The following ZNF345 variants were observed in gnomAD, a reference collection of about 807,000 sequenced individuals.
ZNF345 encodes zinc finger protein HZF10.
For synonymous variants in ZNF345, 166 were observed against 187.9 expected, an observed-to-expected ratio of 0.88 and a Z score of 0.95; for missense variants, 527 against 589.9, an observed-to-expected ratio of 0.89 and a Z score of 1.10.
intron 2 of ZNF345, among the ~76,000 whole-genome samples, chr19:36,860,356 C>CT (rs1376500475): frequency 6.6e-6 from 1 of 152,190 alleles, no homozygotes; most frequent in Non-Finnish European, 1.5e-5. Context: ...ATATGATACT[C>CT]TAATCCATAT....
At chr19:36,890,917 A>T (rs1433095368) in intron 3 of ZNF345, 1 of 152,222 alleles carries the variant, frequency 6.6e-6, no homozygotes, top group African/African-American at 2.4e-5. Flanking sequence ...AATTACAAAT[A>T]TATTAGACAA....
intron 2 of ZNF345, among the ~76,000 whole-genome samples, chr19:36,855,188 G>C (rs1195869595): frequency 6.9e-6 from 1 of 145,262 alleles, no homozygotes; most frequent in Non-Finnish European, 1.5e-5. Context: ...AGTCACCCAG[G>C]TTGGAGTGCA....
chr19:36,859,802 A>G (rs899221649), intron 2 of ZNF345, among the ~76,000 whole-genome samples: 14 of 152,066 alleles, frequency 9.2e-5, no homozygotes, highest in Non-Finnish European at 1.6e-4. Flanking sequence ...CAGATTCACC[A>G]GTTGTTACCT....
chr19:36,892,827 A>C (rs1473386537), exon 4 of ZNF345: 3 of 898,946 alleles, frequency 3.3e-6, no homozygotes, highest in East Asian at 3.3e-5. Flanking sequence ...GATCCCCCAC[A>C]GGCGCTGCCT....
intron 2 of ZNF345, among the ~76,000 whole-genome samples, chr19:36,866,757 G>C (rs1192765634): frequency 6.6e-6 from 1 of 152,012 alleles, no homozygotes; most frequent in Non-Finnish European, 1.5e-5. Flanking sequence ...CACTGTGTTG[G>C]CCAGGCTGGT....
chr19:36,867,577 G>T (rs1168153515), intron 2 of ZNF345, among the ~76,000 whole-genome samples: 2 of 152,098 alleles, frequency 1.3e-5, no homozygotes, highest in African/African-American at 4.8e-5. Context: ...TTAAATTTAA[G>T]AATTAATTGC....
chr19:36,891,635 CACATTCATT>C (rs750851502), intron 3 of ZNF345: 2 of 1,613,488 alleles, frequency 1.2e-6, no homozygotes, highest in East Asian at 4.5e-5. Flanking sequence ...AAGGCCTTCC[CACATTCATT>C]ACATTCATAT....
At chr19:36,865,151 G>A (rs2072632505) in intron 2 of ZNF345, among the ~76,000 whole-genome samples, 1 of 152,262 alleles carries the variant, frequency 6.6e-6, no homozygotes, top group Middle Eastern at 3.4e-3. Context: ...CCTGGATTCT[G>A]GAGCCGCCTG....
intron 2 of ZNF345, among the ~76,000 whole-genome samples, chr19:36,862,324 G>T (rs913006153): frequency 6.6e-6 from 1 of 151,852 alleles, no homozygotes; most frequent in Non-Finnish European, 1.5e-5. Flanking sequence ...CTCTGTTCTT[G>T]GTGACTTGAT....
intron 3 of ZNF345, chr19:36,891,370 C>T (rs894622853): frequency 1.0e-5 from 10 of 991,152 alleles, no homozygotes; most frequent in African/African-American, 3.3e-5. Context: ...ACTTTGTTAT[C>T]GTATCGTTTA....
chr19:36,886,716 G>A (rs908544656), intron 3 of ZNF345, among the ~76,000 whole-genome samples: 29 of 152,010 alleles, frequency 1.9e-4, no homozygotes, highest in East Asian at 1.4e-3. Flanking sequence ...GGCCGGGCGC[G>A]GTGGCTCACG....
intron 2 of ZNF345, among the ~76,000 whole-genome samples, chr19:36,861,789 TG>T (rs1391014410): frequency 2.0e-5 from 3 of 151,856 alleles, no homozygotes. Flanking sequence ...CTTGATCTCT[TG>T]AGCTTGCAAT....
downstream of ZNF345, among the ~76,000 whole-genome samples, chr19:36,881,299 A>T (rs187550494): frequency 4.8e-4 from 73 of 152,310 alleles, no homozygotes; most frequent in African/African-American, 1.7e-3. Context: ...ATATTCCAAA[A>T]TCCAAAACAC....
At chr19:36,869,575 G>C (rs1040118258) in intron 2 of ZNF345, among the ~76,000 whole-genome samples, 1 of 152,082 alleles carries the variant, frequency 6.6e-6, no homozygotes, top group African/African-American at 2.4e-5. Flanking sequence ...AGCTACTCGG[G>C]TCCACCATGA....
rs192798904 is a variant in ZNF345 at position 36,891,494 on chromosome 19, A to T, written c.47-1324A>T. The T allele has an allele frequency of 7.1e-5, 110 of 1,543,644 alleles. 1 individual carries two copies. The African/African-American group carries it at 1.3e-3, about 18-fold the overall frequency. ...AAATGGTCTTACTTTACTGTCATTC[A>T]ACCAGTATGAATTCCCTCATGGCGA... On this transcript the variant is annotated intron_variant, in intron 3 of 3. Transcript: ENST00000526123.
rs199605168 is a variant in ZNF345 at position 36,878,138 on chromosome 19, T to G, written c.1308T>G (p.Tyr436Ter). Residue 436 changes from tyrosine (Y) to a stop codon, truncating the protein, a stop_gained, in exon 3 of 3, where the codon TAT becomes TAG. Coordinates refer to ENST00000420450, the MANE Select transcript of ZNF345 (RefSeq NM_001242472.2). LOFTEE classifies it low-confidence loss of function (END_TRUNC). The part of the protein sequence containing the change: ...YECKECGKAF[Y>*]SGSSLTQHQR... ...GTAAGGAGTGTGGGAAGGCTTTTTA[T>G]AGTGGCTCAAGCCTTACTCAGCATC... 2 of 1,614,136 alleles carry G rather than the reference T, an allele frequency of 1.2e-6. No individual in the cohort carries two copies. Among genetic ancestry groups the G allele is most frequent in the Admixed American group, 3.3e-5 (2 of 60,002 alleles).
chr19:36,873,757 T>G (rs1261366446), intron 2 of ZNF345, among the ~76,000 whole-genome samples: 2 of 152,072 alleles, frequency 1.3e-5, no homozygotes, highest in Non-Finnish European at 2.9e-5. Context: ...CTCCCTTATT[T>G]CACGTAGCAT....
rs1298239010 is a variant in ZNF345 at position 36,877,989 on chromosome 19, C to T, written c.1159C>T (p.Gln387Ter). 2.5e-6 allele frequency: 4 copies of T among 1,613,852 alleles called. No homozygotes were observed. The highest frequency in any genetic ancestry group is 3.4e-6 in the Non-Finnish European group (4 of 1,179,910). Residue 387 changes from glutamine (Q) to a stop codon, truncating the protein, a stop_gained, in exon 3 of 3, where the codon CAA (glutamine) becomes TAA (stop). Coordinates refer to ENST00000420450, the MANE Select transcript of ZNF345 (RefSeq NM_001242472.2). LOFTEE classifies it low-confidence loss of function (END_TRUNC). ...CTTTGGTAGTGGCTCAAAACTTATC[C>T]AACACCAGCTAATCCATACTGGTGA... ...KAFGSGSKLIQHQLIHTGERP... is the reference protein window; with the variant it reads ...KAFGSGSKLI
chr19:36,882,483 G>T (rs1425066631), downstream of ZNF345, among the ~76,000 whole-genome samples: 1 of 152,112 alleles, frequency 6.6e-6, no homozygotes. Context: ...TGGCCAGGAT[G>T]GTCTCGATCT....
Sources: gnomAD v4.1 joint callset for allele counts (sites outside exome capture counted in the v4.1 genomes callset) on GRCh38, gnomAD v4.1.1 for gene constraint, MANE v1.5 for transcripts, NCBI Gene and HGNC (gene_info 2026-07-23, HGNC 2026-07-21) for gene names.